RORB: variants seen among roughly 807,000 people sequenced by gnomAD.
RORB encodes the protein RAR related orphan receptor B.
RORB carries 6 observed loss-of-function variants against 59.1 expected under a neutral mutation model. The ratio of observed to expected loss-of-function variants is 0.10; its 90% CI spans 0.06 to 0.20. RORB has a LOEUF of 0.20. Among genes scored for constraint, RORB ranks in the 10% least tolerant of loss-of-function variants. The probability of loss-of-function intolerance (pLI) is 1.00; values close to 1 mark genes in which losing one functional copy is unlikely to be tolerated. For missense variants in RORB, 320 were observed against 560.5 expected, an observed-to-expected ratio of 0.57 and a Z score of 4.33; for synonymous variants, 215 against 204.5, an observed-to-expected ratio of 1.05 and a Z score of -0.44.
At chr9:74,647,947 C>G (rs974133387) in intron 4 of RORB, among the ~76,000 whole-genome samples, 2 of 152,146 alleles carry the variant, frequency 1.3e-5, no homozygotes, top group Non-Finnish European at 2.9e-5. Flanking sequence ...ATATTTTATA[C>G]TGTTTAAATC....
chr9:74,583,626 C>T (rs1305863494), intron 1 of RORB, among the ~76,000 whole-genome samples: 1 of 152,004 alleles, frequency 6.6e-6, no homozygotes. Flanking sequence ...AAGTTACCCC[C>T]AGGTTGATGT....
In RORB at chr9:74,513,799, T is replaced by G. The variant is rs1184750849; in HGVS notation, c.7+15816T>G. On this transcript the variant is annotated intron_variant, in intron 1 of 9. Coordinates refer to ENST00000376896, the MANE Select transcript of RORB (RefSeq NM_006914.4). ...CATTTTGAGATTTAGATTCCATTGG[T>G]ATATTTAAATGAAACTCATTAGTTC... Among the ~76,000 whole-genome samples, 5 of 152,156 alleles carry G rather than the reference T, an allele frequency of 3.3e-5. No individual in the cohort carries two copies. In the East Asian group the frequency reaches 9.6e-4, roughly 29 times the overall value.
At chr9:74,524,588 C>T (rs145500372) in intron 1 of RORB, among the ~76,000 whole-genome samples, 1 of 151,994 alleles carries the variant, frequency 6.6e-6, no homozygotes, top group Non-Finnish European at 1.5e-5. Flanking sequence ...AATACCTATC[C>T]TATTGTTTGT....
intron 1 of RORB, among the ~76,000 whole-genome samples, chr9:74,579,717 G>A (rs1231577935): frequency 6.6e-6 from 1 of 152,074 alleles, no homozygotes; most frequent in East Asian, 1.9e-4. Flanking sequence ...CCAGCAATAC[G>A]AAATGGAAAA....
At chr9:74,669,976 C>T (rs577089243) in intron 8 of RORB, among the ~76,000 whole-genome samples, 1 of 151,848 alleles carries the variant, frequency 6.6e-6, no homozygotes, top group Non-Finnish European at 1.5e-5. Context: ...TTTATTTAAC[C>T]ACTTTATCAA....
chr9:74,505,653 C>T (rs1239822251), intron 1 of RORB, among the ~76,000 whole-genome samples: 1 of 151,996 alleles, frequency 6.6e-6, no homozygotes, highest in Non-Finnish European at 1.5e-5. Context: ...TGAGATGGGC[C>T]TCTAAAGATA....
At chr9:74,680,379 T>G (rs10521463) in intron 9 of RORB, among the ~76,000 whole-genome samples, 6,159 of 152,212 alleles carry the variant, frequency 0.04, 431 homozygotes, top group East Asian at 0.35. Context: ...CTGGTCCACA[T>G]GATGAAATAT....
At chr9:74,499,097 T>C (rs7034375) in intron 1 of RORB, 115,319 of 151,762 alleles carry the variant, frequency 0.76, 44,088 homozygotes, top group East Asian at 0.91. Context: ...CCACCCCCAC[T>C]CCCAGTCCCT....
intron 1 of RORB, among the ~76,000 whole-genome samples, chr9:74,622,407 T>C (rs959351576): frequency 6.6e-6 from 1 of 152,106 alleles, no homozygotes; most frequent in Non-Finnish European, 1.5e-5. Flanking sequence ...GAGGAGAGGT[T>C]TGGGAATGGA....
chr9:74,671,945 C>A (rs1244470234), intron 9 of RORB, 44 bp downstream of exon 9: 4 of 1,126,990 alleles, frequency 3.5e-6, no homozygotes, highest in Middle Eastern at 2.0e-4. Flanking sequence ...AAAGAGAGCA[C>A]AGTGAGCAAA....
intron 1 of RORB, among the ~76,000 whole-genome samples, chr9:74,545,867 C>G (rs1212983541): frequency 1.3e-5 from 2 of 152,068 alleles, no homozygotes; most frequent in Non-Finnish European, 2.9e-5. Flanking sequence ...ATTGATGGAC[C>G]TTTCGTAGAG....
At chr9:74,584,070 C>T (rs1276996178) in intron 1 of RORB, among the ~76,000 whole-genome samples, 2 of 152,190 alleles carry the variant, frequency 1.3e-5, no homozygotes, top group Non-Finnish European at 2.9e-5. Context: ...GCCATAAACA[C>T]TTTCTCTAAC....
At chr9:74,621,504 A>T (rs4745346) in intron 1 of RORB, among the ~76,000 whole-genome samples, 3 of 152,054 alleles carry the variant, frequency 2.0e-5, no homozygotes, top group South Asian at 4.1e-4. Context: ...AGGACATCTT[A>T]ATTGTTTCCA....
At chr9:74,670,753 A>T (rs1373466111) in intron 8 of RORB, among the ~76,000 whole-genome samples, 1 of 152,166 alleles carries the variant, frequency 6.6e-6, no homozygotes, top group Non-Finnish European at 1.5e-5. Flanking sequence ...GCCACTGTGT[A>T]TTAGGCTTCA....
At chr9:74,557,421 C>G (rs1452783601) in intron 1 of RORB, among the ~76,000 whole-genome samples, 1 of 152,048 alleles carries the variant, frequency 6.6e-6, no homozygotes, top group Non-Finnish European at 1.5e-5. Context: ...AGAATAGTGC[C>G]AAGAGAACAA....
At chr9:74,620,176 CT>C (rs1163977939) in intron 1 of RORB, among the ~76,000 whole-genome samples, 1 of 152,022 alleles carries the variant, frequency 6.6e-6, no homozygotes, top group Non-Finnish European at 1.5e-5. Flanking sequence ...TGGTCCTGGA[CT>C]TTTTTTGGTT....
intron 9 of RORB, among the ~76,000 whole-genome samples, chr9:74,672,309 C>G (rs1357876196): frequency 6.6e-6 from 1 of 152,144 alleles, no homozygotes; most frequent in Non-Finnish European, 1.5e-5. Context: ...AAAGAACAAT[C>G]AAATGATGAG....
rs184549701 is a variant in RORB at position 74,692,448 on chromosome 9, T to A, written c.*6830T>A. On this transcript the variant is annotated 3_prime_UTR_variant, in exon 10 of 10. Coordinates refer to ENST00000376896, the MANE Select transcript of RORB (RefSeq NM_006914.4). ...ATACTTCCAACATTCAGAGATTTAATGTTTTTACCTTAGCTCCAGCCTACG... is the reference window on the plus strand; with the variant it reads ...ATACTTCCAACATTCAGAGATTTAAAGTTTTTACCTTAGCTCCAGCCTACG... 2.6e-5 allele frequency: 4 copies of A among 152,352 alleles called. No individual in the cohort carries two copies. In the East Asian group the frequency reaches 7.7e-4, roughly 29 times the overall value. The allele number at this position is 152,352 out of a possible 1,614,324, so 9.4% of individuals were successfully genotyped here.
intron 1 of RORB, among the ~76,000 whole-genome samples, chr9:74,618,753 A>C (rs1001382577): frequency 6.6e-6 from 1 of 151,788 alleles, no homozygotes; most frequent in Non-Finnish European, 1.5e-5. Flanking sequence ...GTGTGTGTGT[A>C]TATGTGTGTG....
Sources: allele counts gnomAD v4.1 joint callset (sites outside exome capture counted in the v4.1 genomes callset), GRCh38; gene constraint gnomAD v4.1.1; transcripts MANE v1.5; gene names NCBI Gene and HGNC (gene_info 2026-07-23, HGNC 2026-07-21).